Variants in ZNF536 observed in about 807,000 individuals in gnomAD.
ZNF536 encodes zinc finger protein 536.
A neutral mutation model predicts 84.5 loss-of-function variants in ZNF536; 13 were observed. The observed-to-expected ratio is 0.15, with a 90% CI of 0.10 to 0.24. The LOEUF (loss-of-function observed/expected upper bound fraction) is 0.24, where lower values mean the gene tolerates loss of function less well. Among genes scored for constraint, ZNF536 ranks in the 10% least tolerant of loss-of-function variants. ZNF536 has a pLI of 1.00. For synonymous variants in ZNF536, 811 were observed against 742.5 expected, an observed-to-expected ratio of 1.09 and a Z score of -1.50; for missense variants, 1,536 against 1,747.5, an observed-to-expected ratio of 0.88 and a Z score of 2.16.
intron 1 of ZNF536, among the ~76,000 whole-genome samples, chr19:30,671,761 C>T (rs566903786): frequency 3.3e-5 from 5 of 152,112 alleles, no homozygotes; most frequent in Admixed American, 6.5e-5. Flanking sequence ...TGTTCAGTGA[C>T]GAACAAACAG....
chr19:30,310,507 C>A (rs564677462), intron 2 of ZNF536, among the ~76,000 whole-genome samples: 1 of 152,328 alleles, frequency 6.6e-6, no homozygotes, highest in East Asian at 1.9e-4. Flanking sequence ...TTAACATAAA[C>A]CACACATTCT....
At chr19:30,356,273 C>A (rs547651927) in intron 3 of ZNF536, among the ~76,000 whole-genome samples, 1 of 152,324 alleles carries the variant, frequency 6.6e-6, no homozygotes, top group South Asian at 2.1e-4. Flanking sequence ...GCACTCAGAG[C>A]CTATAGAACC....
chr19:30,651,218 C>A (rs2049691334), intron 1 of ZNF536, among the ~76,000 whole-genome samples: 1 of 152,196 alleles, frequency 6.6e-6, no homozygotes, highest in Non-Finnish European at 1.5e-5. Flanking sequence ...GGAAGCGGGG[C>A]TGCTTTGGAC....
intron 1 of ZNF536, among the ~76,000 whole-genome samples, chr19:30,276,607 C>T (rs983022791): frequency 6.6e-6 from 1 of 152,048 alleles, no homozygotes; most frequent in Non-Finnish European, 1.5e-5. Context: ...AATAGTTGCC[C>T]GTGATTACCC....
chr19:30,536,326 A>G (rs535495296), intron 3 of ZNF536, among the ~76,000 whole-genome samples: 123 of 151,890 alleles, frequency 8.1e-4, no homozygotes, highest in African/African-American at 2.7e-3. Flanking sequence ...GTCCCTGGGG[A>G]CTTAGCTTTA....
intron 2 of ZNF536, among the ~76,000 whole-genome samples, chr19:30,466,935 GT>G (rs559452759): frequency 1.1e-3 from 168 of 152,308 alleles, no homozygotes; most frequent in African/African-American, 3.8e-3. Flanking sequence ...CTGCCTTCTG[GT>G]TTTAAGCGAT....
At chr19:30,238,239 C>T (rs935986580) in intron 1 of ZNF536, among the ~76,000 whole-genome samples, 3 of 152,162 alleles carry the variant, frequency 2.0e-5, no homozygotes, top group Admixed American at 1.3e-4. Flanking sequence ...AAGTGCCATT[C>T]CTCCTTCCTT....
intron 2 of ZNF536, among the ~76,000 whole-genome samples, chr19:30,497,231 A>G (rs1043022023): frequency 6.6e-6 from 1 of 152,114 alleles, no homozygotes; most frequent in African/African-American, 2.4e-5. Flanking sequence ...TTGAATGGCA[A>G]ATTGGTCAGA....
intron 2 of ZNF536, among the ~76,000 whole-genome samples, chr19:30,297,154 A>G (rs1251049545): frequency 6.6e-6 from 1 of 152,182 alleles, no homozygotes; most frequent in African/African-American, 2.4e-5. Flanking sequence ...CTGCAGCCCA[A>G]GCATCTGCCC....
At chr19:30,679,722 C>T (rs1190377288) in intron 1 of ZNF536, among the ~76,000 whole-genome samples, 2 of 152,194 alleles carry the variant, frequency 1.3e-5, no homozygotes, top group Non-Finnish European at 2.9e-5. Context: ...GCTGGGTCCC[C>T]CAGAGCCTCT....
chr19:30,607,703 C>T (rs1290893526), intron 1 of ZNF536, among the ~76,000 whole-genome samples: 2 of 112,034 alleles, frequency 1.8e-5, no homozygotes, highest in African/African-American at 6.7e-5. Flanking sequence ...GCCTGGGTGA[C>T]ATGTCTCAAA....
intron 1 of ZNF536, among the ~76,000 whole-genome samples, chr19:30,386,705 C>T (rs191667251): frequency 1.5e-3 from 227 of 152,326 alleles, no homozygotes; most frequent in African/African-American, 4.8e-3. Context: ...TGTAGTGGGT[C>T]TTTGGTCTAC....
downstream of ZNF536, among the ~76,000 whole-genome samples, chr19:30,563,010 C>A (rs1296978592): frequency 6.6e-6 from 1 of 152,148 alleles, no homozygotes; most frequent in Non-Finnish European, 1.5e-5. Context: ...ATGAGGCACT[C>A]GTGTATCCCT....
At position 30,706,933 on chromosome 19, in the gene ZNF536, C is replaced by T. The variant is rs146337291; in HGVS notation, c.170-3824C>T. Among the ~76,000 whole-genome samples the T allele has an allele frequency of 5.1e-3, 772 of 152,240 alleles. 4 individuals are homozygous for T. Among genetic ancestry groups the T allele is most frequent in the Non-Finnish European group, 9.0e-3 (615 of 68,026 alleles). ...AGCCTCGAAACATTTCTCAGGTTTCCCGGTGTCTTGCTCCTTCTTTATGTT... is the reference window on the plus strand; with the variant it reads ...AGCCTCGAAACATTTCTCAGGTTTCTCGGTGTCTTGCTCCTTCTTTATGTT... On this transcript the variant is annotated intron_variant, in intron 1 of 1. Coordinates refer to the ZNF536 transcript ENST00000592773.
intron 1 of ZNF536, among the ~76,000 whole-genome samples, chr19:30,441,908 G>T (rs112015517): frequency 0.017 from 2,628 of 152,262 alleles, 41 homozygotes; most frequent in Middle Eastern, 0.024. Context: ...TCCATGCCAC[G>T]CAGTCTCCTG....
rs147410847 is a variant in ZNF536 at position 30,566,581 on chromosome 19, C to T, written c.169+17067C>T. Among the ~76,000 whole-genome samples, 84 of 152,382 alleles carry T rather than the reference C, an allele frequency of 5.5e-4. 1 individual carries two copies. The East Asian group carries it at 0.013, about 24-fold the overall frequency. On this transcript the variant is annotated intron_variant, in intron 1 of 1. Coordinates refer to the ZNF536 transcript ENST00000592773. ...CCTAAGATCACTCGCATGTAAACAA[C>T]GGGGCTGAGATTCAGAGCTGGACAG...
intron 2 of ZNF536, among the ~76,000 whole-genome samples, chr19:30,303,997 A>T (rs1407695122): frequency 6.6e-6 from 1 of 152,204 alleles, no homozygotes; most frequent in East Asian, 1.9e-4. Context: ...GTCGATGGGG[A>T]TGGGGACTGG....
chr19:30,503,664 CAT>C (rs2055041392), intron 2 of ZNF536, among the ~76,000 whole-genome samples: 1 of 152,330 alleles, frequency 6.6e-6, no homozygotes, highest in East Asian at 1.9e-4. Context: ...AGTCAGCAGA[CAT>C]GTGGCATCAC....
intron 2 of ZNF536, among the ~76,000 whole-genome samples, chr19:30,313,931 G>A (rs542939512): frequency 6.1e-4 from 93 of 152,332 alleles, no homozygotes; most frequent in Non-Finnish European, 1.2e-3. Flanking sequence ...GTAAAGAATA[G>A]AGGTTAGGCC....
Sources: gnomAD v4.1 joint callset for allele counts (sites outside exome capture counted in the v4.1 genomes callset) on GRCh38, gnomAD v4.1.1 for gene constraint, MANE v1.5 for transcripts, NCBI Gene and HGNC (gene_info 2026-07-23, HGNC 2026-07-21) for gene names.